The following BICC1 variants were observed in gnomAD, a reference collection of about 807,000 sequenced individuals.
BICC1 encodes the protein BicC family RNA binding protein 1, also known as protein bicaudal C homolog 1.
A neutral mutation model predicts 111.0 loss-of-function variants in BICC1; 43 were observed. The observed-to-expected ratio is 0.39, with a 90% CI of 0.30 to 0.50. The LOEUF (loss-of-function observed/expected upper bound fraction) is 0.50, where lower values mean the gene tolerates loss of function less well. Among genes scored for constraint, BICC1 ranks in the 20% least tolerant of loss-of-function variants. BICC1 has a pLI of 0.88. For missense variants in BICC1, 1,091 were observed against 1,203.2 expected, an observed-to-expected ratio of 0.91 and a Z score of 1.38; for synonymous variants, 467 against 434.4, an observed-to-expected ratio of 1.07 and a Z score of -0.93.
At position 58,552,688 on chromosome 10, in the gene BICC1, T is replaced by C. The variant is rs1283364172; in HGVS notation, c.190+39355T>C. ...TGTCATATAGTATTTTGACCAGAAA[T>C]AAGGAAATTGAGTTAAAGTCCTGTT... On this transcript the variant is annotated intron_variant, in intron 1 of 20. Transcript: ENST00000373886. 3.3e-5 allele frequency among the ~76,000 whole-genome samples: 5 copies of C among 152,154 alleles called. No individual in the cohort carries two copies. The East Asian group carries it at 7.7e-4, about 23-fold the overall frequency.
At chr10:58,568,084 A>G (rs1843826841) in intron 1 of BICC1, among the ~76,000 whole-genome samples, 1 of 152,172 alleles carries the variant, frequency 6.6e-6, no homozygotes. Context: ...ATCTGAGTTT[A>G]GGTAGTTTAC....
chr10:58,681,089 A>G (rs1366846565), intron 2 of BICC1, among the ~76,000 whole-genome samples: 2 of 152,248 alleles, frequency 1.3e-5, no homozygotes, highest in Non-Finnish European at 2.9e-5. Context: ...AACCTAGGCA[A>G]TACCATTCAG....
At chr10:58,767,541 C>A (rs1313142682) in intron 3 of BICC1, among the ~76,000 whole-genome samples, 1 of 151,998 alleles carries the variant, frequency 6.6e-6, no homozygotes, top group Non-Finnish European at 1.5e-5. Context: ...AAACCCGACA[C>A]CAGCAAAAGA....
intron 15 of BICC1, among the ~76,000 whole-genome samples, chr10:58,804,372 AG>A (rs1445745649): frequency 6.6e-6 from 1 of 152,076 alleles, no homozygotes; most frequent in Non-Finnish European, 1.5e-5. Flanking sequence ...CTAAAAAATT[AG>A]CAGGGCGTGG....
chr10:58,648,824 A>G (rs966936690), intron 2 of BICC1, among the ~76,000 whole-genome samples: 2 of 152,112 alleles, frequency 1.3e-5, no homozygotes, highest in African/African-American at 4.8e-5. Context: ...TAGTTGCACT[A>G]TGCATGTTAG....
intron 2 of BICC1, among the ~76,000 whole-genome samples, chr10:58,624,839 C>G (rs1222663070): frequency 6.6e-6 from 1 of 152,142 alleles, no homozygotes; most frequent in African/African-American, 2.4e-5. Context: ...AGTGATACAC[C>G]CACCTCAGCC....
intron 1 of BICC1, among the ~76,000 whole-genome samples, chr10:58,576,829 A>G (rs568213700): frequency 2.0e-5 from 3 of 152,300 alleles, no homozygotes; most frequent in Admixed American, 2.0e-4. Flanking sequence ...GAGGGGGACA[A>G]AATAATGAGA....
intron 1 of BICC1, among the ~76,000 whole-genome samples, chr10:58,563,874 G>A (rs960059473): frequency 2.0e-5 from 3 of 149,728 alleles, no homozygotes; most frequent in Non-Finnish European, 3.0e-5. Context: ...AATGTTTGCC[G>A]TGAAAAGTAG....
chr10:58,815,137 CAT>C (rs1844048377), intron 18 of BICC1, among the ~76,000 whole-genome samples: 3 of 151,974 alleles, frequency 2.0e-5, no homozygotes, highest in Admixed American at 1.3e-4. Flanking sequence ...AATCCTGAAA[CAT>C]GTAGAATATT....
chr10:58,647,568 A>G (rs537892798), intron 2 of BICC1, among the ~76,000 whole-genome samples: 1 of 152,212 alleles, frequency 6.6e-6, no homozygotes, highest in South Asian at 2.1e-4. Context: ...TTTTTCCCCA[A>G]GGTGATTTTT....
intron 1 of BICC1, among the ~76,000 whole-genome samples, chr10:58,565,751 G>A (rs1032249910): frequency 2.0e-5 from 3 of 152,144 alleles, no homozygotes; most frequent in Non-Finnish European, 4.4e-5. Context: ...ACTGGTTGCA[G>A]GGTAAGGCTG....
chr10:58,729,047 G>T (rs897856467), intron 3 of BICC1, among the ~76,000 whole-genome samples: 1 of 152,146 alleles, frequency 6.6e-6, no homozygotes, highest in African/African-American at 2.4e-5. Flanking sequence ...GGGATTTTGG[G>T]AATGGTAAAT....
At chr10:58,567,096 A>G (rs538848306) in intron 1 of BICC1, among the ~76,000 whole-genome samples, 2 of 152,334 alleles carry the variant, frequency 1.3e-5, no homozygotes, top group East Asian at 1.9e-4. Context: ...CTGCAGAATC[A>G]TAATTCACGT....
At chr10:58,752,853 A>G (rs1014285334) in intron 3 of BICC1, among the ~76,000 whole-genome samples, 4 of 152,158 alleles carry the variant, frequency 2.6e-5, no homozygotes, top group Admixed American at 2.0e-4. Context: ...CACTTAGCAC[A>G]AAAGGTCTGG....
intron 1 of BICC1, among the ~76,000 whole-genome samples, chr10:58,614,118 C>T (rs1352983888): frequency 1.3e-5 from 2 of 152,110 alleles, no homozygotes; most frequent in African/African-American, 2.4e-5. Flanking sequence ...GAAGTAGACT[C>T]TCAAATTTGG....
At chr10:58,797,362 T>C (rs1168534440) in intron 10 of BICC1, among the ~76,000 whole-genome samples, 1 of 152,202 alleles carries the variant, frequency 6.6e-6, no homozygotes, top group Non-Finnish European at 1.5e-5. Flanking sequence ...TTGCAGTCTT[T>C]AAAATTTTTT....
At chr10:58,577,319 G>A (rs1171814189) in intron 1 of BICC1, among the ~76,000 whole-genome samples, 1 of 152,194 alleles carries the variant, frequency 6.6e-6, no homozygotes. Flanking sequence ...ATGAGACTGG[G>A]ATGGGAACCA....
chr10:58,631,388 T>C (rs1478431022), intron 2 of BICC1, among the ~76,000 whole-genome samples: 1 of 152,138 alleles, frequency 6.6e-6, no homozygotes. Context: ...GGCAGGTTTT[T>C]TTCTTTCTTT....
At chr10:58,764,968 T>C (rs1468947839) in intron 3 of BICC1, among the ~76,000 whole-genome samples, 3 of 152,216 alleles carry the variant, frequency 2.0e-5, no homozygotes, top group Admixed American at 6.5e-5. Flanking sequence ...GAAAGTTTTC[T>C]TTTCCTCTTT....
Sources: gnomAD v4.1 joint callset for allele counts (sites outside exome capture counted in the v4.1 genomes callset) on GRCh38, gnomAD v4.1.1 for gene constraint, MANE v1.5 for transcripts, NCBI Gene and HGNC (gene_info 2026-07-23, HGNC 2026-07-21) for gene names.